The following RHOA variants were observed in gnomAD, a reference collection of about 807,000 sequenced individuals.
The protein encoded by RHOA is transforming protein RhoA.
A neutral mutation model predicts 17.5 loss-of-function variants in RHOA; 3 were observed. The observed-to-expected ratio is 0.17, with a 90% CI of 0.08 to 0.44. The LOEUF (loss-of-function observed/expected upper bound fraction) is 0.44, where lower values mean the gene tolerates loss of function less well. Among genes scored for constraint, RHOA ranks in the 20% least tolerant of loss-of-function variants. RHOA has a pLI of 0.99. For missense variants in RHOA, 56 were observed against 242.3 expected (o/e 0.23, Z 5.10); for synonymous variants, 98 against 88.4 (o/e 1.11, Z -0.61).
In RHOA at chr3:49,392,571, C is replaced by A. The variant is rs548508549; in HGVS notation, c.-2-16980G>T. Among the ~76,000 whole-genome samples the A allele has an allele frequency of 3.3e-5, 5 of 152,200 alleles. No homozygotes were observed. In the South Asian group the frequency reaches 8.3e-4, roughly 25 times the overall value. On this transcript the variant is annotated intron_variant, in intron 1 of 4. Transcript: ENST00000418115. ...ATGTTACCCAGACTGGTCTCAAACT[C>A]CTGAGCTCAAGTCATCTGCCTGCCT... is the stretch of plus-strand genomic sequence containing the variant.
intron 1 of RHOA, among the ~76,000 whole-genome samples, chr3:49,406,262 G>A (rs1280302716): frequency 1.3e-5 from 2 of 152,098 alleles, no homozygotes; most frequent in Non-Finnish European, 2.9e-5. Flanking sequence ...AATCCCAGTA[G>A]TAGAGCATAT....
At position 49,400,400 on chromosome 3, in the gene RHOA, C is replaced by T. The variant is rs76485570; in HGVS notation, c.-3+11420G>A. On this transcript the variant is annotated intron_variant, in intron 1 of 4. Coordinates refer to ENST00000418115, the MANE Select transcript of RHOA (RefSeq NM_001664.4). ...ACTACTCATAACATTTCCCCTAAAC[C>T]TCATTTTAAAGGCCAAGAGTTACAC... is the stretch of plus-strand genomic sequence containing the variant. 5.9e-5 allele frequency among the ~76,000 whole-genome samples: 9 copies of T among 152,038 alleles called. No individual in the cohort carries two copies. In the East Asian group the frequency reaches 1.4e-3, roughly 23 times the overall value.
chr3:49,391,477 T>C (rs2048506016), intron 1 of RHOA, among the ~76,000 whole-genome samples: 2 of 152,114 alleles, frequency 1.3e-5, no homozygotes, highest in Admixed American at 6.6e-5. Flanking sequence ...AAAGTCTGGA[T>C]TGCATTCAAT....
chr3:49,393,592 T>G (rs2048549567), intron 1 of RHOA, among the ~76,000 whole-genome samples: 1 of 126,160 alleles, frequency 7.9e-6, no homozygotes, highest in Non-Finnish European at 1.6e-5. Context: ...GCCACTGCAC[T>G]GGCTTTTTTT....
At chr3:49,395,438 C>T (rs1274341519) in intron 1 of RHOA, among the ~76,000 whole-genome samples, 6 of 152,066 alleles carry the variant, frequency 3.9e-5, no homozygotes, top group African/African-American at 4.8e-5. Flanking sequence ...TGGCCGGGCA[C>T]GGCTGTTCAC....
chr3:49,379,164 A>G (rs2048278705), intron 1 of RHOA, among the ~76,000 whole-genome samples: 1 of 152,184 alleles, frequency 6.6e-6, no homozygotes, highest in South Asian at 2.1e-4. Flanking sequence ...TGATGAATAT[A>G]ATATATCCAT....
intron 4 of RHOA, among the ~76,000 whole-genome samples, 169 bp from the exon 5 acceptor site, chr3:49,360,551 T>C (rs2047949674): frequency 6.6e-6 from 1 of 151,962 alleles, no homozygotes; most frequent in Non-Finnish European, 1.5e-5. Context: ...GACTGCAACC[T>C]CCACCTCCTG....
intron 1 of RHOA, among the ~76,000 whole-genome samples, chr3:49,396,961 C>G (rs999770198): frequency 6.6e-6 from 1 of 151,760 alleles, no homozygotes; most frequent in African/African-American, 2.4e-5. Flanking sequence ...GAGAGCTTGT[C>G]TCTACAAAAA....
At chr3:49,389,068 G>A (rs1481518818) in intron 1 of RHOA, among the ~76,000 whole-genome samples, 1 of 152,146 alleles carries the variant, frequency 6.6e-6, no homozygotes, top group Non-Finnish European at 1.5e-5. Flanking sequence ...GCTGCTGGGC[G>A]TGGTAGCTCA....
intron 4 of RHOA, among the ~76,000 whole-genome samples, chr3:49,362,162 G>A (rs2047983604): frequency 6.6e-6 from 1 of 152,206 alleles, no homozygotes; most frequent in South Asian, 2.1e-4. Flanking sequence ...ACTCCAGCCT[G>A]GGTGACAGAA....
intron 1 of RHOA, among the ~76,000 whole-genome samples, chr3:49,375,968 A>C (rs984896185): frequency 2.6e-5 from 4 of 151,380 alleles, no homozygotes; most frequent in African/African-American, 9.7e-5. Context: ...CCTGCCTCAG[A>C]CTCCCAAGTA....
chr3:49,394,749 T>A (rs1421867542), intron 1 of RHOA, among the ~76,000 whole-genome samples: 1 of 152,150 alleles, frequency 6.6e-6, no homozygotes, highest in Non-Finnish European at 1.5e-5. Flanking sequence ...TGTAATTAAG[T>A]GCTGTAACAA....
intron 1 of RHOA, among the ~76,000 whole-genome samples, chr3:49,404,520 A>G (rs571602289): frequency 6.9e-6 from 1 of 145,352 alleles, no homozygotes; most frequent in Admixed American, 7.0e-5. Context: ...CTGAGGCAGG[A>G]GAATCGCTTG....
At chr3:49,391,820 TA>T (rs1433461994) in intron 1 of RHOA, among the ~76,000 whole-genome samples, 3 of 135,774 alleles carry the variant, frequency 2.2e-5, no homozygotes, top group Non-Finnish European at 3.1e-5. Context: ...CTAATTAATT[TA>T]TCTTTTTTTT....
At position 49,362,479 on chromosome 3, in the gene RHOA, C is replaced by A. The variant is rs1459297127; in HGVS notation, c.408+17G>T. 6.2e-7 allele frequency: 1 copy of A among 1,602,722 alleles called. No individual in the cohort carries two copies. The highest frequency in any genetic ancestry group is 8.5e-7 in the Non-Finnish European group (1 of 1,173,584). ...TAGTTCAAGAATACTACAAGACAGT[C>A]CTGCCCCAGATCATGCCTGCTTCAT... is the stretch of plus-strand genomic sequence containing the variant. On this transcript the variant is annotated intron_variant, in intron 4 of 4. Transcript: ENST00000418115.
chr3:49,408,838 G>A (rs1470008953), intron 1 of RHOA, among the ~76,000 whole-genome samples: 1 of 150,984 alleles, frequency 6.6e-6, no homozygotes, highest in African/African-American at 2.4e-5. Flanking sequence ...TGTTGCCCTG[G>A]CTGGAGCACA....
chr3:49,371,281 G>GTTT (rs34744152), intron 2 of RHOA, among the ~76,000 whole-genome samples: 3 of 138,718 alleles, frequency 2.2e-5, no homozygotes, highest in Non-Finnish European at 4.7e-5. Flanking sequence ...ATTGCCTACT[G>GTTT]TTTTTTTTTT....
At chr3:49,375,018 C>A (rs1403233455) in intron 2 of RHOA, among the ~76,000 whole-genome samples, 1 of 152,038 alleles carries the variant, frequency 6.6e-6, no homozygotes, top group Non-Finnish European at 1.5e-5. Context: ...CTCCTGTAAT[C>A]CCAGCACTTT....
intron 1 of RHOA, among the ~76,000 whole-genome samples, chr3:49,382,506 C>T (rs566541411): frequency 6.6e-6 from 1 of 151,364 alleles, no homozygotes; most frequent in South Asian, 2.1e-4. Context: ...TGTGGTGGTG[C>T]GCATCTGTGG....
Sources: allele counts gnomAD v4.1 joint callset (sites outside exome capture counted in the v4.1 genomes callset), GRCh38; gene constraint gnomAD v4.1.1; transcripts MANE v1.5; gene names NCBI Gene and HGNC (gene_info 2026-07-23, HGNC 2026-07-21).